The following SGSM1 variants were observed in gnomAD, a reference collection of about 807,000 sequenced individuals.
SGSM1 encodes RUN and TBC1 domain containing 2.
SGSM1 carries 73 observed loss-of-function variants against 133.8 expected under a neutral mutation model. The observed-to-expected ratio is 0.55, with a 90% confidence interval of 0.45 to 0.66. The LOEUF (loss-of-function observed/expected upper bound fraction) is 0.66, where lower values mean the gene tolerates loss of function less well. Among genes scored for constraint, SGSM1 ranks in the 30% least tolerant of loss-of-function variants. The pLI, the probability that SGSM1 is intolerant of heterozygous loss-of-function variation, is 0.00. For synonymous variants in SGSM1, 563 were observed against 573.0 expected (o/e 0.98, Z 0.25); for missense variants, 1,213 against 1,448.1 (o/e 0.84, Z 2.64).
At chr22:24,891,881 G>C (rs1167953587) in intron 16 of SGSM1, among the ~76,000 whole-genome samples, 1 of 152,066 alleles carries the variant, frequency 6.6e-6, no homozygotes, top group Non-Finnish European at 1.5e-5. Flanking sequence ...CACAGGCAGA[G>C]GTCTGGAGGG....
intron 10 of SGSM1, among the ~76,000 whole-genome samples, chr22:24,867,839 C>A (rs773852389): frequency 6.6e-6 from 1 of 152,126 alleles, no homozygotes; most frequent in Non-Finnish European, 1.5e-5. Context: ...GCTGTGTGAC[C>A]TTGGAGAAGT....
chr22:24,892,184 G>A (rs1445404988), intron 16 of SGSM1, among the ~76,000 whole-genome samples: 3 of 152,128 alleles, frequency 2.0e-5, no homozygotes, highest in African/African-American at 7.2e-5. Flanking sequence ...GGCAGGGCTT[G>A]GAGGAGTCTC....
chr22:24,885,770 C>T (rs1203797339), intron 15 of SGSM1, among the ~76,000 whole-genome samples: 2 of 152,214 alleles, frequency 1.3e-5, no homozygotes, highest in African/African-American at 2.4e-5. Flanking sequence ...CGCTCTTTTA[C>T]ATCTCTGTGT....
chr22:24,862,831 C>A (rs1434938404), intron 9 of SGSM1, among the ~76,000 whole-genome samples: 1 of 152,148 alleles, frequency 6.6e-6, no homozygotes, highest in Non-Finnish European at 1.5e-5. Context: ...CCTCAATGAG[C>A]CTCAGGGTTC....
At chr22:24,831,364 G>A (rs1446601611) in intron 2 of SGSM1, among the ~76,000 whole-genome samples, 1 of 152,048 alleles carries the variant, frequency 6.6e-6, no homozygotes, top group African/African-American at 2.4e-5. Flanking sequence ...TCCTGAGTTG[G>A]GGCAAAGTGG....
chr22:24,913,785 A>C (rs1166266297), intron 22 of SGSM1, among the ~76,000 whole-genome samples: 1 of 150,378 alleles, frequency 6.6e-6, no homozygotes, highest in Non-Finnish European at 1.5e-5. Context: ...TTTGGGAGGC[A>C]GAGGCGGGCG....
chr22:24,837,670 G>T (rs1198951226), intron 2 of SGSM1, among the ~76,000 whole-genome samples: 3 of 150,456 alleles, frequency 2.0e-5, no homozygotes, highest in African/African-American at 7.3e-5. Context: ...CTGGTAACGG[G>T]CGTCTTCCCA....
intron 23 of SGSM1, 46 bp from the exon 24 acceptor site, chr22:24,919,780 A>T (rs1412013729): frequency 6.2e-7 from 1 of 1,608,166 alleles, no homozygotes. Flanking sequence ...CAACACTGTG[A>T]GCCCCGTCAC....
At position 24,832,940 on chromosome 22, in the gene SGSM1, C is replaced by CT. The variant is rs376040633; in HGVS notation, c.64-11945dup. The stretch of plus-strand genomic sequence containing the variant: ...CTTTGTAGCTGTGTCTAAATTTCCT[C>CT]TTTTTTTTTTTTCAGACGGCGTTTC... On this transcript the variant is annotated intron_variant, in intron 2 of 24. Transcript: ENST00000400358. Among the ~76,000 whole-genome samples the CT allele has an allele frequency of 7.8e-3, 1,142 of 146,726 alleles. 10 individuals are homozygous for CT. Among genetic ancestry groups the CT allele is most frequent in the African/African-American group, 0.023 (917 of 40,072 alleles).
At position 24,857,830 on chromosome 22, in the gene SGSM1, G is replaced by A. The variant is rs115804859; in HGVS notation, c.802-1886G>A. 7.8e-3 allele frequency among the ~76,000 whole-genome samples: 1,191 copies of A among 152,338 alleles called. 16 individuals carry two copies. The highest frequency in any genetic ancestry group is 0.027 in the African/African-American group (1,118 of 41,572). On this transcript the variant is annotated intron_variant, in intron 8 of 24. Coordinates refer to ENST00000400358, the MANE Select transcript of SGSM1 (RefSeq NM_001098497.3). ...TTTCAGGCCTTGCTGGCAGAGTTGA[G>A]TGGTTGCAGCTGAGCTTGTATAGCT...
rs752357407 is a variant in SGSM1, at chr22:24,868,472, C to T, written c.1091C>T (p.Ser364Leu). The change falls in exon 11 of 25, where the codon TCG becomes TTG. Residue 364 changes from serine (S) to leucine (L), a missense_variant. Physicochemically the swap from Ser to Leu is moderately radical, Grantham distance 145. Transcript: ENST00000400358. ...GGCGGGCACCTCCTGCAGTTCCTCT[C>T]GTGCCTGGAGAATGGGCTGCTCCCA... ...PKGGHLLQFL[S>L]CLENGLLPHG... is the part of the protein sequence containing the mutation. 7.4e-6 allele frequency: 12 copies of T among 1,613,692 alleles called. No homozygotes were observed. In the South Asian group the frequency reaches 7.7e-5, roughly 10 times the overall value.
chr22:24,889,047 C>T lies in SGSM1; in HGVS notation c.1770+2319C>T, dbSNP rs181549313. Among the ~76,000 whole-genome samples the T allele has an allele frequency of 5.6e-3, 831 of 149,032 alleles. 8 individuals are homozygous for T. Among genetic ancestry groups the T allele is most frequent in the African/African-American group, 0.019 (776 of 40,484 alleles). ...TGCAATCTCGGCTTACTACAACCTCCACCTCCCAGGTTCAAGTGATTCTCC... is the reference window on the plus strand; with the variant it reads ...TGCAATCTCGGCTTACTACAACCTCTACCTCCCAGGTTCAAGTGATTCTCC... On this transcript the variant is annotated intron_variant, in intron 16 of 24. Coordinates refer to ENST00000400358, the MANE Select transcript of SGSM1 (RefSeq NM_001098497.3).
intron 10 of SGSM1, among the ~76,000 whole-genome samples, chr22:24,867,552 G>A (rs1931527563): frequency 6.6e-6 from 1 of 152,216 alleles, no homozygotes; most frequent in African/African-American, 2.4e-5. Flanking sequence ...CCATTTTGGA[G>A]GAGAGGAAGC....
chr22:24,876,659 C>G lies in SGSM1; in HGVS notation c.1374C>G (p.Ser458=). The G allele has an allele frequency of 6.2e-7, 1 of 1,613,964 alleles. No homozygotes were observed. The highest frequency in any genetic ancestry group is 1.1e-5 in the South Asian group (1 of 91,078). ...QPSPRKSSCS[S]CSQSGSADGS... Reference sequence around the variant, plus strand: ...GTCCCCGGAAGTCCTCCTGTTCATCCTGTTCACAGAGTGGCTCGGCTGATG... The same window carrying G: ...GTCCCCGGAAGTCCTCCTGTTCATCGTGTTCACAGAGTGGCTCGGCTGATG... Residue 458 remains serine (S), a synonymous_variant, in exon 13 of 25, where the codon TCC becomes TCG. Coordinates refer to ENST00000400358, the MANE Select transcript of SGSM1 (RefSeq NM_001098497.3).
chr22:24,835,060 G>T (rs994324554), intron 2 of SGSM1, among the ~76,000 whole-genome samples: 8 of 152,084 alleles, frequency 5.3e-5, no homozygotes, highest in African/African-American at 1.9e-4. Flanking sequence ...TTCCTCCTAG[G>T]CAAAACTCTT....
chr22:24,871,394 T>A (rs55910704), intron 12 of SGSM1, among the ~76,000 whole-genome samples: 11,662 of 152,148 alleles, frequency 0.077, 613 homozygotes, highest in South Asian at 0.12. Context: ...ATCAGCAAGA[T>A]CATTCCTAAA....
intron 18 of SGSM1, 56 bp downstream of exon 18, chr22:24,895,347 G>A (rs1027878159): frequency 1.7e-5 from 26 of 1,558,642 alleles, no homozygotes; most frequent in East Asian, 2.3e-5. Flanking sequence ...TCTGCCTGGG[G>A]TCATGGGGGT....
chr22:24,903,792 C>A (rs914643722), intron 20 of SGSM1, among the ~76,000 whole-genome samples: 3 of 151,658 alleles, frequency 2.0e-5, no homozygotes, highest in African/African-American at 7.3e-5. Flanking sequence ...GCCAACATGG[C>A]GAAACCCTGT....
At chr22:24,816,163 T>A (rs1016679348) in intron 2 of SGSM1, among the ~76,000 whole-genome samples, 1 of 152,172 alleles carries the variant, frequency 6.6e-6, no homozygotes, top group African/African-American at 2.4e-5. Flanking sequence ...TCTCATTTAA[T>A]CCACAAAACA....
Sources: gnomAD v4.1 joint callset for allele counts (sites outside exome capture counted in the v4.1 genomes callset) on GRCh38, gnomAD v4.1.1 for gene constraint, MANE v1.5 for transcripts, NCBI Gene and HGNC (gene_info 2026-07-23, HGNC 2026-07-21) for gene names.